Variants in NAALADL2 observed in about 807,000 individuals in gnomAD.
NAALADL2 encodes the protein inactive N-acetylated-alpha-linked acidic dipeptidase-like protein 2.
NAALADL2 carries 76 observed loss-of-function variants against 87.2 expected under a neutral mutation model. That is an observed-to-expected ratio of 0.87 (90% CI 0.72 to 1.05). The LOEUF is 1.05. NAALADL2 is among the 50% of genes least tolerant of loss of function. The pLI is 0.00. For synonymous variants in NAALADL2, 354 were observed against 331.0 expected (o/e 1.07, Z -0.75); for missense variants, 1,089 against 945.8 (o/e 1.15, Z -1.99).
intron 1 of NAALADL2, among the ~76,000 whole-genome samples, chr3:174,873,294 G>T (rs538323175): frequency 1.3e-5 from 2 of 149,454 alleles, no homozygotes; most frequent in Non-Finnish European, 3.0e-5. Context: ...TCGCTCTGTC[G>T]CCCAGGCTGG....
chr3:174,779,367 GAC>G (rs1263893470), intron 3 of NAALADL2, among the ~76,000 whole-genome samples: 1 of 152,086 alleles, frequency 6.6e-6, no homozygotes, highest in African/African-American at 2.4e-5. Flanking sequence ...GTAGATTCTG[GAC>G]ATAAGCCCTT....
intron 3 of NAALADL2, among the ~76,000 whole-genome samples, chr3:174,756,783 C>T (rs931363867): frequency 6.6e-6 from 1 of 152,166 alleles, no homozygotes; most frequent in Non-Finnish European, 1.5e-5. Context: ...CCACAGTGAC[C>T]TATTTGTTCT....
At chr3:175,359,856 AGAAAG>A (rs960680348) in intron 5 of NAALADL2, among the ~76,000 whole-genome samples, 8 of 152,164 alleles carry the variant, frequency 5.3e-5, no homozygotes, top group Non-Finnish European at 1.0e-4. Flanking sequence ...CCAGAAATGA[AGAAAG>A]GAGGGAGGAA....
intron 2 of NAALADL2, among the ~76,000 whole-genome samples, chr3:174,612,055 C>T (rs1035087210): frequency 1.3e-5 from 2 of 151,870 alleles, no homozygotes; most frequent in African/African-American, 4.8e-5. Context: ...GATATTTTCA[C>T]TGGATATACT....
At chr3:174,872,181 A>G (rs996899753) in intron 1 of NAALADL2, among the ~76,000 whole-genome samples, 4 of 152,162 alleles carry the variant, frequency 2.6e-5, no homozygotes, top group African/African-American at 9.7e-5. Context: ...TCTAACATCT[A>G]TGATGCTGAT....
At chr3:175,798,188 CGATTT>C (rs1553777034) in intron 13 of NAALADL2, among the ~76,000 whole-genome samples, 15 of 151,822 alleles carry the variant, frequency 9.9e-5, no homozygotes, top group Non-Finnish European at 2.2e-4. Context: ...TTGCTAGCCC[CGATTT>C]GTTTTTAAGG....
chr3:175,324,365 C>A, intron 5 of NAALADL2, 40 bp downstream of exon 5: 2 of 1,516,416 alleles, frequency 1.3e-6, no homozygotes, highest in South Asian at 2.5e-5. Flanking sequence ...TGTAAGTAAG[C>A]ATTACAAGGT....
chr3:175,465,473 C>CT (rs71164634), intron 7 of NAALADL2, among the ~76,000 whole-genome samples: 1,605 of 106,718 alleles, frequency 0.015, 49 homozygotes, highest in African/African-American at 0.026. Context: ...TGAATTAAAT[C>CT]TTTTTTTTTT....
intron 1 of NAALADL2, among the ~76,000 whole-genome samples, chr3:174,533,450 T>G (rs1208443733): frequency 6.6e-6 from 1 of 152,168 alleles, no homozygotes; most frequent in African/African-American, 2.4e-5. Flanking sequence ...CTACAGCTCC[T>G]AATACATGTT....
At chr3:175,219,107 G>A (rs1254560017) in intron 2 of NAALADL2, among the ~76,000 whole-genome samples, 2 of 151,964 alleles carry the variant, frequency 1.3e-5, no homozygotes, top group African/African-American at 4.8e-5. Flanking sequence ...TCTAGTAAAT[G>A]TCTTCATATA....
chr3:174,812,140 C>T (rs1212657308), intron 3 of NAALADL2, among the ~76,000 whole-genome samples: 1 of 152,070 alleles, frequency 6.6e-6, no homozygotes, highest in Non-Finnish European at 1.5e-5. Context: ...TACACAGTCT[C>T]AGTGTTTTTT....
At chr3:175,126,625 C>A (rs746284605) in intron 2 of NAALADL2, among the ~76,000 whole-genome samples, 1 of 152,042 alleles carries the variant, frequency 6.6e-6, no homozygotes, top group Non-Finnish European at 1.5e-5. Context: ...TTTATTGTCA[C>A]CAAAACAAAA....
intron 10 of NAALADL2, among the ~76,000 whole-genome samples, chr3:175,620,500 T>G (rs1291689583): frequency 6.6e-6 from 1 of 152,202 alleles, no homozygotes; most frequent in African/African-American, 2.4e-5. Flanking sequence ...GAAGTTTTGC[T>G]GCTCTTTCTC....
intron 2 of NAALADL2, among the ~76,000 whole-genome samples, chr3:175,156,612 T>C (rs1404401372): frequency 6.6e-6 from 1 of 152,176 alleles, no homozygotes; most frequent in Non-Finnish European, 1.5e-5. Flanking sequence ...GAAATACTGA[T>C]TAAATATTAT....
intron 12 of NAALADL2, among the ~76,000 whole-genome samples, chr3:175,745,648 A>G (rs1745822314): frequency 6.6e-6 from 1 of 152,158 alleles, no homozygotes; most frequent in Non-Finnish European, 1.5e-5. Context: ...TTCCACAAAT[A>G]TTTTCAATCT....
At chr3:174,814,923 G>T (rs1294245544) in intron 3 of NAALADL2, among the ~76,000 whole-genome samples, 1 of 152,144 alleles carries the variant, frequency 6.6e-6, no homozygotes, top group Non-Finnish European at 1.5e-5. Flanking sequence ...GTAGGTAAAT[G>T]AATGGTCGCA....
intron 1 of NAALADL2, among the ~76,000 whole-genome samples, chr3:174,997,060 T>TATA (rs200823434): frequency 7.0e-4 from 92 of 130,748 alleles, no homozygotes; most frequent in African/African-American, 2.6e-3. Context: ...ATATATATAT[T>TATA]TTTTTTTTTA....
chr3:175,419,171 AATGT>A (rs1715214212), intron 5 of NAALADL2, among the ~76,000 whole-genome samples: 2 of 151,792 alleles, frequency 1.3e-5, no homozygotes, highest in Non-Finnish European at 1.5e-5. Flanking sequence ...TCTGGGGAAA[AATGT>A]ATTGGGGGAG....
chr3:174,512,348 CTT>C (rs1158150001), intron 1 of NAALADL2, among the ~76,000 whole-genome samples: 1 of 151,990 alleles, frequency 6.6e-6, no homozygotes, highest in Non-Finnish European at 1.5e-5. Flanking sequence ...GATGATATGT[CTT>C]TTTTTCTCCA....
Sources: gnomAD v4.1 joint callset for allele counts (sites outside exome capture counted in the v4.1 genomes callset) on GRCh38, gnomAD v4.1.1 for gene constraint, MANE v1.5 for transcripts, NCBI Gene and HGNC (gene_info 2026-07-23, HGNC 2026-07-21) for gene names.